STARD13: variants seen among roughly 807,000 people sequenced by gnomAD.
The protein encoded by STARD13 is StAR related lipid transfer domain containing 13, also known as stAR-related lipid transfer protein 13.
STARD13 carries 62 observed loss-of-function variants against 106.4 expected under a neutral mutation model. The observed-to-expected ratio is 0.58, with a 90% CI of 0.48 to 0.72. The LOEUF is 0.72. Among genes scored for constraint, STARD13 ranks in the 30% least tolerant of loss-of-function variants. The pLI, the probability that STARD13 is intolerant of heterozygous loss-of-function variation, is 0.00. For missense variants in STARD13, 1,387 were observed against 1,424.0 expected (o/e 0.97, Z 0.42); for synonymous variants, 565 against 553.0 (o/e 1.02, Z -0.31).
At chr13:33,356,587 A>G in the STARD13 span, among the ~76,000 whole-genome samples, 4 of 152,342 alleles carry the variant, frequency 2.6e-5, no homozygotes, top group South Asian at 8.3e-4. Flanking sequence ...CTCAGCATCT[A>G]TAAAATGGGG....
the STARD13 span, among the ~76,000 whole-genome samples, chr13:33,661,720 C>G: frequency 6.6e-6 from 1 of 151,980 alleles, no homozygotes; most frequent in Admixed American, 6.6e-5. Context: ...GAAACCGCCC[C>G]CATGATTGAA....
the STARD13 span, among the ~76,000 whole-genome samples, chr13:33,554,476 A>G: frequency 6.6e-6 from 1 of 152,204 alleles, no homozygotes; most frequent in African/African-American, 2.4e-5. Flanking sequence ...GAGCATAATA[A>G]TAGTGCCTTC....
At chr13:33,145,959 C>T (rs1880474695) in intron 3 of STARD13, among the ~76,000 whole-genome samples, 1 of 151,684 alleles carries the variant, frequency 6.6e-6, no homozygotes. Flanking sequence ...CCAAGGTGGG[C>T]AGATCGCTTG....
chr13:33,465,713 G>A, the STARD13 span, among the ~76,000 whole-genome samples: 2 of 151,930 alleles, frequency 1.3e-5, no homozygotes, highest in South Asian at 4.2e-4. Flanking sequence ...CATGCACTAC[G>A]CTAAGAGGCA....
At chr13:33,583,680 A>G in the STARD13 span, among the ~76,000 whole-genome samples, 1 of 152,196 alleles carries the variant, frequency 6.6e-6, no homozygotes, top group Non-Finnish European at 1.5e-5. Flanking sequence ...CAGCTGATGC[A>G]TGAATTCTCC....
the STARD13 span, among the ~76,000 whole-genome samples, chr13:33,558,953 T>C: frequency 1.3e-5 from 2 of 151,592 alleles, no homozygotes; most frequent in Non-Finnish European, 2.9e-5. Flanking sequence ...GTACATATCC[T>C]GAGAATTGAA....
At chr13:33,206,094 G>A (rs1887400385) in intron 1 of STARD13, 6 of 755,728 alleles carry the variant, frequency 7.9e-6, no homozygotes, top group South Asian at 1.2e-4. Context: ...AGAAAAAAAC[G>A]AAAACTCACA....
chr13:33,649,882 A>G, the STARD13 span, among the ~76,000 whole-genome samples: 1 of 152,202 alleles, frequency 6.6e-6, no homozygotes, highest in East Asian at 1.9e-4. Flanking sequence ...CCAATTAATA[A>G]AAAATAAAAA....
At chr13:33,547,943 A>G in the STARD13 span, among the ~76,000 whole-genome samples, 1 of 152,182 alleles carries the variant, frequency 6.6e-6, no homozygotes, top group African/African-American at 2.4e-5. Context: ...TTATTGAACA[A>G]TGCCAATTTT....
the STARD13 span, among the ~76,000 whole-genome samples, chr13:33,572,099 G>A: frequency 5.9e-5 from 9 of 152,166 alleles, no homozygotes; most frequent in African/African-American, 2.2e-4. Flanking sequence ...CTTGTTTTCT[G>A]CCTGCATAGT....
At chr13:33,446,388 A>G in the STARD13 span, among the ~76,000 whole-genome samples, 2 of 152,206 alleles carry the variant, frequency 1.3e-5, no homozygotes, top group Admixed American at 1.3e-4. Context: ...GATGATCACA[A>G]TTTCCTCACA....
At chr13:33,242,233 C>A (rs1418519255) in intron 1 of STARD13, among the ~76,000 whole-genome samples, 3 of 152,198 alleles carry the variant, frequency 2.0e-5, no homozygotes, top group East Asian at 3.9e-4. Flanking sequence ...ACCCGGCCAC[C>A]ACCCTGTCTG....
chr13:33,371,646 A>G, the STARD13 span, among the ~76,000 whole-genome samples: 1 of 152,202 alleles, frequency 6.6e-6, no homozygotes, highest in Admixed American at 6.5e-5. Context: ...TCTGCCATTG[A>G]TGAGCTAGAG....
chr13:33,114,050 A>T (rs1383926782), intron 8 of STARD13, among the ~76,000 whole-genome samples: 1 of 152,208 alleles, frequency 6.6e-6, no homozygotes, highest in East Asian at 1.9e-4. Context: ...TGTGAGAAGA[A>T]ATCATTAGCA....
chr13:33,112,966 C>A, intron 8 of STARD13, 35 bp from the exon 9 acceptor site: 1 of 1,547,706 alleles, frequency 6.5e-7, no homozygotes, highest in Non-Finnish European at 8.8e-7. Context: ...ATTGGAGGAG[C>A]AGACATAGAA....
At chr13:33,264,243 T>C (rs1393023015) in intron 1 of STARD13, among the ~76,000 whole-genome samples, 1 of 152,214 alleles carries the variant, frequency 6.6e-6, no homozygotes, top group African/African-American at 2.4e-5. Flanking sequence ...ACAAGCCATT[T>C]CCACCGTGTC....
At chr13:33,536,377 G>A in the STARD13 span, among the ~76,000 whole-genome samples, 1 of 152,056 alleles carries the variant, frequency 6.6e-6, no homozygotes, top group Non-Finnish European at 1.5e-5. Context: ...TATAAGTTAG[G>A]AAAATGAAAA....
chr13:33,192,194 A>C (rs534410167), intron 1 of STARD13, among the ~76,000 whole-genome samples: 1 of 152,380 alleles, frequency 6.6e-6, no homozygotes, highest in South Asian at 2.1e-4. Context: ...TGCATTTTGT[A>C]GTTTGGAGAT....
intron 1 of STARD13, among the ~76,000 whole-genome samples, chr13:33,174,926 T>C (rs560684663): frequency 7.9e-5 from 12 of 152,300 alleles, no homozygotes; most frequent in African/African-American, 2.6e-4. Flanking sequence ...CTCACATGCA[T>C]CCATGTGTGT....
Sources: allele counts gnomAD v4.1 joint callset (sites outside exome capture counted in the v4.1 genomes callset), GRCh38; gene constraint gnomAD v4.1.1; transcripts MANE v1.5; gene names NCBI Gene and HGNC (gene_info 2026-07-23, HGNC 2026-07-21).